The following IGF2R variants were observed in gnomAD, a reference collection of about 807,000 sequenced individuals.
IGF2R encodes the protein insulin like growth factor 2 receptor, also known as cation-independent mannose-6-phosphate receptor.
IGF2R carries 91 observed loss-of-function variants against 270.6 expected under a neutral mutation model. The ratio of observed to expected loss-of-function variants is 0.34; its 90% CI spans 0.28 to 0.40. The LOEUF (loss-of-function observed/expected upper bound fraction) is 0.40. Among genes scored for constraint, IGF2R ranks in the 10% least tolerant of loss-of-function variants. The pLI is 1.00. For synonymous variants in IGF2R, 1,316 were observed against 1,258.9 expected, an observed-to-expected ratio of 1.05 and a Z score of -0.96; for missense variants, 2,805 against 3,188.3, an observed-to-expected ratio of 0.88 and a Z score of 2.90.
At chr6:160,010,616 T>G (rs1784318701) in intron 3 of IGF2R, 71 bp from the exon 4 acceptor site, 2 of 984,796 alleles carry the variant, frequency 2.0e-6, no homozygotes, top group African/African-American at 1.6e-5. Context: ...CTTTACTGCA[T>G]TCTCATTTTA....
At chr6:160,048,258 T>C (rs1765236153) in intron 17 of IGF2R, 117 bp from the exon 18 acceptor site, 1 of 970,192 alleles carries the variant, frequency 1.0e-6, no homozygotes, top group Admixed American at 2.1e-5. Context: ...CTCCTGGTAG[T>C]GTGATTGGTG....
chr6:160,031,603 C>T (rs980628938), intron 7 of IGF2R, among the ~76,000 whole-genome samples: 4 of 152,062 alleles, frequency 2.6e-5, no homozygotes, highest in African/African-American at 7.2e-5. Flanking sequence ...GTTTCTCTTA[C>T]GGAGCCCTGG....
At chr6:159,993,367 A>T (rs1784006291) in intron 2 of IGF2R, among the ~76,000 whole-genome samples, 1 of 152,148 alleles carries the variant, frequency 6.6e-6, no homozygotes, top group Admixed American at 6.5e-5. Context: ...ATAGTTTCAG[A>T]TCTTACATTT....
At chr6:160,051,716 A>G (rs987846880) in intron 19 of IGF2R, among the ~76,000 whole-genome samples, 6 of 152,284 alleles carry the variant, frequency 3.9e-5, no homozygotes, top group Middle Eastern at 3.4e-3. Context: ...GCACTGTGGA[A>G]GGCCAACATG....
intron 2 of IGF2R, among the ~76,000 whole-genome samples, chr6:159,996,628 C>T (rs764012943): frequency 3.3e-5 from 5 of 152,178 alleles, no homozygotes; most frequent in Non-Finnish European, 5.9e-5. Context: ...CAATCTGCCT[C>T]CCTGTCACAC....
At chr6:160,025,797 T>G (rs888438617) in intron 5 of IGF2R, among the ~76,000 whole-genome samples, 3 of 152,232 alleles carry the variant, frequency 2.0e-5, no homozygotes, top group Non-Finnish European at 4.4e-5. Flanking sequence ...AGTTTGGTTA[T>G]AGAGTTGATG....
intron 1 of IGF2R, among the ~76,000 whole-genome samples, chr6:159,990,111 A>G (rs1281546752): frequency 6.6e-6 from 1 of 152,230 alleles, no homozygotes; most frequent in African/African-American, 2.4e-5. Flanking sequence ...CTTTCATGCC[A>G]TAGCTAGTTT....
chr6:160,082,852 C>T (rs982547977), intron 39 of IGF2R, among the ~76,000 whole-genome samples: 1 of 152,204 alleles, frequency 6.6e-6, no homozygotes, highest in African/African-American at 2.4e-5. Flanking sequence ...ATGGGGAAGG[C>T]GTGCAGGAAC....
At chr6:159,980,227 G>GAAAGAAAGAAAGAAAAGAAAGA (rs1783773106) in intron 1 of IGF2R, among the ~76,000 whole-genome samples, 1 of 137,736 alleles carries the variant, frequency 7.3e-6, no homozygotes, top group Non-Finnish European at 1.6e-5. Context: ...AAGAAAGAAA[G>GAAAGAAAGAAAGAAAAGAAAGA]AAAGAAAGAA....
intron 19 of IGF2R, among the ~76,000 whole-genome samples, chr6:160,051,528 A>G (rs113198418): frequency 2.6e-5 from 4 of 152,282 alleles, no homozygotes; most frequent in African/African-American, 9.6e-5. Context: ...CAAAGCACTG[A>G]TCCTTGGGGT....
intron 29 of IGF2R, among the ~76,000 whole-genome samples, chr6:160,067,853 C>G (rs983578410): frequency 6.6e-6 from 1 of 152,182 alleles, no homozygotes. Context: ...GCGGCTGCCC[C>G]GGGCATGGCC....
intron 10 of IGF2R, among the ~76,000 whole-genome samples, chr6:160,039,501 CT>C (rs1268303225): frequency 6.6e-6 from 1 of 152,196 alleles, no homozygotes; most frequent in East Asian, 1.9e-4. Flanking sequence ...ATTGTGCTCA[CT>C]ACAGGTTTGC....
intron 31 of IGF2R, 117 bp from the exon 32 acceptor site, chr6:160,071,793 A>G (rs1388598061): frequency 5.2e-6 from 7 of 1,351,042 alleles, no homozygotes; most frequent in Non-Finnish European, 5.2e-6. Context: ...GCACATGGAG[A>G]CAGAAATGTC....
At chr6:160,025,687 T>TTA (rs1777544874) in intron 5 of IGF2R, among the ~76,000 whole-genome samples, 1 of 152,182 alleles carries the variant, frequency 6.6e-6, no homozygotes, top group Admixed American at 6.5e-5. Context: ...TTTGTGTGTG[T>TTA]TAGAGTATTA....
rs775715276 is a variant in IGF2R, at chr6:160,047,779, T to C, written c.2230-13T>C. 1.7e-5 allele frequency: 26 copies of C among 1,542,106 alleles called. 1 individual carries two copies. The Middle Eastern group carries it at 6.8e-4, about 40-fold the overall frequency. On this transcript the variant is annotated splice_polypyrimidine_tract_variant and intron_variant, in intron 16 of 47. Coordinates refer to ENST00000356956, the MANE Select transcript of IGF2R (RefSeq NM_000876.4). Reference sequence around the variant, plus strand: ...TCTTTTTGCCATCCCTCCGCGCATCTGCCGTGGATTAGGAAGAGGATAACT... The same window carrying C: ...TCTTTTTGCCATCCCTCCGCGCATCCGCCGTGGATTAGGAAGAGGATAACT...
intron 11 of IGF2R, among the ~76,000 whole-genome samples, chr6:160,041,600 T>A (rs1027825383): frequency 1.3e-5 from 2 of 152,130 alleles, no homozygotes; most frequent in East Asian, 1.9e-4. Flanking sequence ...TGTTTTTTTT[T>A]AAAGAAAAAT....
chr6:160,052,317 T>G (rs1394836085), intron 19 of IGF2R, among the ~76,000 whole-genome samples: 1 of 152,100 alleles, frequency 6.6e-6, no homozygotes, highest in East Asian at 1.9e-4. Flanking sequence ...AAATCATGAG[T>G]GAACTCCCAT....
chr6:160,079,441 G>A (rs1366659521), intron 37 of IGF2R, 139 bp from the exon 38 acceptor site: 9 of 525,156 alleles, frequency 1.7e-5, no homozygotes, highest in Non-Finnish European at 2.4e-5. Context: ...AGGCGATTGC[G>A]TGGCTCTGAT....
At chr6:159,971,326 G>T (rs1783605567) in intron 1 of IGF2R, among the ~76,000 whole-genome samples, 1 of 152,192 alleles carries the variant, frequency 6.6e-6, no homozygotes, top group African/African-American at 2.4e-5. Context: ...GGTCTAGTAG[G>T]AATGGCCTTT....
Sources: allele counts gnomAD v4.1 joint callset (sites outside exome capture counted in the v4.1 genomes callset), GRCh38; gene constraint gnomAD v4.1.1; transcripts MANE v1.5; gene names NCBI Gene and HGNC (gene_info 2026-07-23, HGNC 2026-07-21).